Variants in NEBL observed in about 807,000 individuals in gnomAD.
NEBL encodes the protein nebulette.
Under a neutral mutation model 140.2 loss-of-function variants are expected in NEBL, and 122 were observed. The ratio of observed to expected loss-of-function variants is 0.87; its 90% confidence interval spans 0.75 to 1.01. The LOEUF (loss-of-function observed/expected upper bound fraction) is 1.01, where lower values mean the gene tolerates loss of function less well. NEBL is among the 50% of genes least tolerant of loss of function. NEBL has a pLI of 0.00. For missense variants in NEBL, 1,365 were observed against 1,231.3 expected, an observed-to-expected ratio of 1.11 and a Z score of -1.62; for synonymous variants, 436 against 398.9, an observed-to-expected ratio of 1.09 and a Z score of -1.11.
At chr10:20,816,949 G>C (rs891333065) in intron 21 of NEBL, among the ~76,000 whole-genome samples, 1 of 152,134 alleles carries the variant, frequency 6.6e-6, no homozygotes, top group Non-Finnish European at 1.5e-5. Flanking sequence ...GCAAGAACAG[G>C]AACACATGCT....
chr10:20,910,258 A>T (rs1489030698), intron 4 of NEBL, among the ~76,000 whole-genome samples: 1 of 152,216 alleles, frequency 6.6e-6, no homozygotes, highest in South Asian at 2.1e-4. Context: ...TCTTTTATAT[A>T]TGTTATCATG....
intron 3 of NEBL, among the ~76,000 whole-genome samples, chr10:21,206,224 A>T (rs1841822648): frequency 6.6e-6 from 1 of 152,218 alleles, no homozygotes; most frequent in South Asian, 2.1e-4. Flanking sequence ...ACACTTTTAA[A>T]TCCTAAGGAG....
In NEBL at chr10:21,202,461, C is replaced by CTTTTTTTTTTTTT. The variant is rs35623208; in HGVS notation, n.349-29997_349-29985dup. Among the ~76,000 whole-genome samples, 76 of 117,290 alleles carry CTTTTTTTTTTTTT rather than the reference C, an allele frequency of 6.5e-4. 2 individuals carry two copies. The highest frequency in any genetic ancestry group is 1.8e-3 in the African/African-American group (54 of 29,368). The allele number at this position is 117,290 out of a possible 152,430, so 76.9% of individuals were successfully genotyped here. On this transcript the variant is annotated intron_variant and non_coding_transcript_variant, in intron 3 of 8. Coordinates refer to the NEBL transcript ENST00000675702. ...ACCTTCTAATTTTTCTTTTCTTTTT[C>CTTTTTTTTTTTTT]TTTTTTTTTTTTTTTTTTTTGAAAC...
intron 3 of NEBL, among the ~76,000 whole-genome samples, chr10:21,226,916 T>C (rs1842159048): frequency 6.6e-6 from 1 of 152,156 alleles, no homozygotes; most frequent in Non-Finnish European, 1.5e-5. Context: ...GAAAGGACCA[T>C]CACTGGAGGC....
chr10:21,080,366 G>C (rs1315103466), intron 2 of NEBL, among the ~76,000 whole-genome samples: 4 of 152,134 alleles, frequency 2.6e-5, no homozygotes, highest in African/African-American at 9.7e-5. Context: ...TCTCAATTGT[G>C]GTAAATATTC....
At chr10:20,864,437 T>C (rs1026784211) in intron 7 of NEBL, among the ~76,000 whole-genome samples, 4 of 152,144 alleles carry the variant, frequency 2.6e-5, no homozygotes, top group African/African-American at 9.7e-5. Context: ...ATAAGAAGGG[T>C]TTGGTATGTG....
At chr10:21,218,559 G>A (rs1166274650) in intron 3 of NEBL, among the ~76,000 whole-genome samples, 1 of 152,038 alleles carries the variant, frequency 6.6e-6, no homozygotes, top group Admixed American at 6.6e-5. Context: ...TTTAAAAGAG[G>A]AAAAAATGCA....
At chr10:21,268,217 C>T (rs1414777759) in intron 1 of NEBL, among the ~76,000 whole-genome samples, 1 of 152,178 alleles carries the variant, frequency 6.6e-6, no homozygotes, top group Non-Finnish European at 1.5e-5. Flanking sequence ...GCCTGTAATC[C>T]CAGCACTTTG....
At chr10:20,999,964 C>T (rs1295692025) in intron 3 of NEBL, among the ~76,000 whole-genome samples, 1 of 151,892 alleles carries the variant, frequency 6.6e-6, no homozygotes, top group African/African-American at 2.4e-5. Flanking sequence ...ATCAAGACGA[C>T]GCCAGTAAGT....
At chr10:21,052,520 G>T (rs1006939890) in intron 2 of NEBL, among the ~76,000 whole-genome samples, 3 of 152,168 alleles carry the variant, frequency 2.0e-5, no homozygotes, top group Admixed American at 6.5e-5. Context: ...AGTGGAACAG[G>T]GGACTCACCC....
chr10:20,983,960 A>G (rs1837152520), intron 3 of NEBL, among the ~76,000 whole-genome samples: 1 of 152,222 alleles, frequency 6.6e-6, no homozygotes, highest in South Asian at 2.1e-4. Flanking sequence ...TAATGACCCT[A>G]ATATATCTAT....
chr10:21,162,200 A>G (rs1840585948), intron 2 of NEBL, among the ~76,000 whole-genome samples: 1 of 152,252 alleles, frequency 6.6e-6, no homozygotes, highest in Admixed American at 6.5e-5. Context: ...GAGCAAGGAC[A>G]GGGAAGCCCC....
At chr10:20,937,117 G>C (rs1564451601) in intron 4 of NEBL, among the ~76,000 whole-genome samples, 1 of 152,074 alleles carries the variant, frequency 6.6e-6, no homozygotes, top group Non-Finnish European at 1.5e-5. Flanking sequence ...CTACATGAGG[G>C]CACACAGACT....
rs11012433 is a variant in NEBL, at chr10:20,974,518, G to A, written c.250-12739C>T. 0.02 allele frequency among the ~76,000 whole-genome samples: 2,976 copies of A among 151,792 alleles called. 388 individuals are homozygous for A. The East Asian group carries it at 0.36, about 18-fold the overall frequency. ...TCCACCTCAACCTCACAAAGTGCCG[G>A]AACTATAAGCATGAGCCACTGCACC... On this transcript the variant is annotated intron_variant, in intron 3 of 6. Transcript: ENST00000417816.
At chr10:20,928,288 A>T (rs1834008606) in intron 4 of NEBL, among the ~76,000 whole-genome samples, 1 of 152,186 alleles carries the variant, frequency 6.6e-6, no homozygotes, top group Admixed American at 6.5e-5. Context: ...TAAGTGTTCA[A>T]TTTCTCAGTT....
At chr10:20,888,401 T>C (rs1418015749) in intron 3 of NEBL, among the ~76,000 whole-genome samples, 194 bp from the exon 4 acceptor site, 1 of 152,234 alleles carries the variant, frequency 6.6e-6, no homozygotes, top group African/African-American at 2.4e-5. Flanking sequence ...CAATTTATCA[T>C]AGAGAACGCT....
At chr10:21,021,875 G>A (rs998335886) in intron 2 of NEBL, among the ~76,000 whole-genome samples, 5 of 152,146 alleles carry the variant, frequency 3.3e-5, no homozygotes, top group Admixed American at 3.3e-4. Context: ...GTAAATACTT[G>A]TGGACAGAAG....
At chr10:21,065,122 T>C (rs1835477354) in intron 2 of NEBL, among the ~76,000 whole-genome samples, 1 of 152,152 alleles carries the variant, frequency 6.6e-6, no homozygotes, top group Non-Finnish European at 1.5e-5. Flanking sequence ...AAAAAGATTC[T>C]TTATAAACAT....
chr10:20,821,052 T>C (rs1333686637), intron 19 of NEBL, among the ~76,000 whole-genome samples: 1 of 152,150 alleles, frequency 6.6e-6, no homozygotes, highest in African/African-American at 2.4e-5. Context: ...GTGATTGAGC[T>C]AAAGGGAGGA....
Sources: gnomAD v4.1 joint callset for allele counts (sites outside exome capture counted in the v4.1 genomes callset) on GRCh38, gnomAD v4.1.1 for gene constraint, MANE v1.5 for transcripts, NCBI Gene and HGNC (gene_info 2026-07-23, HGNC 2026-07-21) for gene names.